ACOT7: variants seen among roughly 807,000 people sequenced by gnomAD.
The protein encoded by ACOT7 is cytosolic acyl coenzyme A thioester hydrolase.
In ACOT7, 12 loss-of-function variants were observed where a neutral mutation model predicts 40.2. The ratio of observed to expected loss-of-function variants is 0.30; its 90% confidence interval spans 0.19 to 0.48. The LOEUF (loss-of-function observed/expected upper bound fraction) is 0.48. Among genes scored for constraint, ACOT7 ranks in the 20% least tolerant of loss-of-function variants. The pLI is 0.99. For synonymous variants in ACOT7, 228 were observed against 219.5 expected (o/e 1.04, Z -0.34); for missense variants, 395 against 530.8 (o/e 0.74, Z 2.51).
intron 2 of ACOT7, among the ~76,000 whole-genome samples, chr1:6,345,551 G>A (rs1268054370): frequency 6.6e-6 from 1 of 152,166 alleles, no homozygotes; most frequent in African/African-American, 2.4e-5. Flanking sequence ...CTTAGGAAAC[G>A]CCCAGGAGAG....
intron 2 of ACOT7, among the ~76,000 whole-genome samples, chr1:6,341,234 A>C (rs941680383): frequency 2.0e-5 from 3 of 151,378 alleles, no homozygotes; most frequent in Admixed American, 6.6e-5. Context: ...CTCCGCCTCC[A>C]GGATTCAGGC....
intron 6 of ACOT7, among the ~76,000 whole-genome samples, chr1:6,318,260 C>T (rs1228872971): frequency 1.3e-5 from 2 of 151,620 alleles, no homozygotes; most frequent in Non-Finnish European, 2.9e-5. Context: ...CTCCCTATGT[C>T]GCCCAGGCTG....
Position 6,359,883 on chromosome 1 carries a change from G to C in ACOT7, c.144-10017C>G, listed in dbSNP as rs1408843376. Among the ~76,000 whole-genome samples, 6 of 152,210 alleles carry C rather than the reference G, an allele frequency of 3.9e-5. No homozygotes were observed. The highest frequency in any genetic ancestry group is 1.3e-4 in the Admixed American group (2 of 15,284). ...AAGTTTCACATGTTTAGTTGTGAAAGAGAAAGTTAGGGCAGAGAGGGCTGA... is the reference window on the plus strand; with the variant it reads ...AAGTTTCACATGTTTAGTTGTGAAACAGAAAGTTAGGGCAGAGAGGGCTGA... On this transcript the variant is annotated intron_variant, in intron 1 of 8. Coordinates refer to ENST00000361521, the MANE Select transcript of ACOT7 (RefSeq NM_007274.4). This position sits in a 1 kb window ranked among gnomAD's most constrained non-coding sequence, Gnocchi z 4.1.
chr1:6,274,234 G>C lies in ACOT7; in HGVS notation c.1014+6868C>G, dbSNP rs1388125840. ...GCATCACTGAGAAGGCACGGAGAGG[G>C]AACTTGGGGTAACAGCCTGGCGACG... On this transcript the variant is annotated intron_variant, in intron 8 of 8. Coordinates refer to ENST00000361521, the MANE Select transcript of ACOT7 (RefSeq NM_007274.4). This position sits in a 1 kb window ranked among gnomAD's most constrained non-coding sequence, Gnocchi z 5.9. Among the ~76,000 whole-genome samples, 1 of 152,194 alleles carries C rather than the reference G, an allele frequency of 6.6e-6. No individual in the cohort carries two copies. The highest frequency in any genetic ancestry group is 1.5e-5 in the Non-Finnish European group (1 of 68,020).
At position 6,393,563 on chromosome 1, in the gene ACOT7, C is replaced by T. The variant is rs56933792; in HGVS notation, c.-164G>A. On this transcript the variant is annotated 5_prime_UTR_variant, in exon 1 of 9. Transcript: ENST00000361521. The stretch of plus-strand genomic sequence containing the variant: ...GCTGCAGAGAGCTCGCGCGGGCGTA[C>T]GATTCTGGCGGCGTGGGGGCCCAGG... 52,533 of 567,984 alleles carry T rather than the reference C, an allele frequency of 0.092. 3,640 individuals are homozygous for T. The highest frequency in any genetic ancestry group is 0.29 in the African/African-American group (14,483 of 50,646). 35.2% of individuals were successfully genotyped at this position (567,984 alleles called of 1,614,324 possible).
At chr1:6,351,705 C>G (rs1319195568) in intron 1 of ACOT7, among the ~76,000 whole-genome samples, 1 of 152,242 alleles carries the variant, frequency 6.6e-6, no homozygotes, top group Non-Finnish European at 1.5e-5. Context: ...GCCTCCAGAG[C>G]AGCCTGAATG....
Position 6,327,375 on chromosome 1 carries a change from C to A in ACOT7, c.549G>T (p.Arg183=), listed in dbSNP as rs146126231. ...TGCGCTCCAGCTTCTGGGCTTCATA[C>A]CGCTTCCGGCCCTCCTCCTCCTGCT... is the stretch of plus-strand genomic sequence containing the variant. ...RQEQEEEGRK[R]YEAQKLERME... The change falls in exon 5 of 9, where the codon CGG becomes CGT. Residue 183 remains arginine, a synonymous_variant. Coordinates refer to ENST00000361521, the MANE Select transcript of ACOT7 (RefSeq NM_007274.4). 31 of 1,614,090 alleles carry A rather than the reference C, an allele frequency of 1.9e-5. No individual in the cohort carries two copies. In the African/African-American group the frequency reaches 3.6e-4, roughly 19 times the overall value.
intron 7 of ACOT7, among the ~76,000 whole-genome samples, chr1:6,291,848 CCA>C (rs1245364027): frequency 6.6e-6 from 1 of 152,198 alleles, no homozygotes; most frequent in African/African-American, 2.4e-5. Flanking sequence ...CACCCAGAAC[CCA>C]GAGCCAGCAG....
rs552057675 is a variant in ACOT7, at chr1:6,306,948, G to A, written c.712+11544C>T. 1 of 1,285,034 alleles carries A rather than the reference G, an allele frequency of 7.8e-7. No homozygotes were observed. Among genetic ancestry groups the A allele is most frequent in the South Asian group, 1.2e-5 (1 of 80,866 alleles). 79.6% of individuals were successfully genotyped at this position (1,285,034 alleles called of 1,614,324 possible). On this transcript the variant is annotated intron_variant, in intron 6 of 8. Coordinates refer to ENST00000361521, the MANE Select transcript of ACOT7 (RefSeq NM_007274.4). This position sits in a 1 kb window ranked among gnomAD's most constrained non-coding sequence, Gnocchi z 4.3. The stretch of plus-strand genomic sequence containing the variant: ...AAGACCAAGTGAACAAGAGCGTCTT[G>A]GTGGAGGCCTCACTTGCGTCCCCTC...
At chr1:6,285,752 T>C (rs1639484451) in intron 7 of ACOT7, among the ~76,000 whole-genome samples, 1 of 151,082 alleles carries the variant, frequency 6.6e-6, no homozygotes, top group Non-Finnish European at 1.5e-5. Flanking sequence ...ACCTGGCGTG[T>C]CACACGGAGG....
Position 6,306,744 on chromosome 1 carries a change from T to C in ACOT7, c.712+11748A>G. ...TAGGGAACAGCTCTTCGTCCACCTT[T>C]TTCCTTCCTTGCCCCAACACTGAGG... is the stretch of plus-strand genomic sequence containing the variant. On this transcript the variant is annotated intron_variant, in intron 6 of 8. Transcript: ENST00000361521. The surrounding 1 kb of genome is among the most constrained non-coding windows in gnomAD (Gnocchi z 4.3). 8.0e-7 allele frequency: 1 copy of C among 1,254,954 alleles called. No individual in the cohort carries two copies. The highest frequency in any genetic ancestry group is 1.5e-5 in the African/African-American group (1 of 64,902). The allele number at this position is 1,254,954 out of a possible 1,614,324, so 77.7% of individuals were successfully genotyped here.
intron 6 of ACOT7, among the ~76,000 whole-genome samples, chr1:6,309,874 A>C (rs536775574): frequency 6.6e-6 from 1 of 152,256 alleles, no homozygotes; most frequent in Non-Finnish European, 1.5e-5. Flanking sequence ...AATGTAATAA[A>C]AGTTATGAAA....
intron 7 of ACOT7, among the ~76,000 whole-genome samples, chr1:6,290,752 T>C (rs1639640166): frequency 1.3e-5 from 2 of 152,164 alleles, no homozygotes; most frequent in South Asian, 4.1e-4. Flanking sequence ...CTCCCTGCCA[T>C]TTAGAGGAAA....
chr1:6,318,511 C>G lies in ACOT7; in HGVS notation c.693G>C (p.Leu231=), dbSNP rs1640556804. 1 of 1,613,942 alleles carries G rather than the reference C, an allele frequency of 6.2e-7. No individual in the cohort carries two copies. Among genetic ancestry groups the G allele is most frequent in the South Asian group, 1.1e-5 (1 of 91,054 alleles). The change falls in exon 6 of 9, where the codon CTG becomes CTC. Residue 231 remains leucine (L), a synonymous_variant. Coordinates refer to ENST00000361521, the MANE Select transcript of ACOT7 (RefSeq NM_007274.4). ...IHLVGPSDCT[L]HGFVHGGVTM... ...TCTTACCTCCGTGCACAAAGCCGTGCAGGGTGCAGTCTGAAGGCCCCACCA... is the reference window on the plus strand; with the variant it reads ...TCTTACCTCCGTGCACAAAGCCGTGGAGGGTGCAGTCTGAAGGCCCCACCA...
At position 6,357,663 on chromosome 1, in the gene ACOT7, A is replaced by G. The variant is rs929724346; in HGVS notation, c.144-7797T>C. Among the ~76,000 whole-genome samples, 47 of 152,160 alleles carry G rather than the reference A, an allele frequency of 3.1e-4. 1 individual carries two copies. Among genetic ancestry groups the G allele is most frequent in the Admixed American group, 1.8e-3 (28 of 15,272 alleles). On this transcript the variant is annotated intron_variant, in intron 1 of 8. Coordinates refer to ENST00000361521, the MANE Select transcript of ACOT7 (RefSeq NM_007274.4). ...TGCCTTGGCCAGGAGTAGACAAGGG[A>G]CAGGGGTTGCCCTTCCCGGAAGGAA... is the stretch of plus-strand genomic sequence containing the variant.
At chr1:6,390,994 A>G (rs1642524094) in intron 1 of ACOT7, among the ~76,000 whole-genome samples, 1 of 151,258 alleles carries the variant, frequency 6.6e-6, no homozygotes, top group South Asian at 2.1e-4. Context: ...GTCTAAAGCT[A>G]TACAAAAATC....
intron 2 of ACOT7, among the ~76,000 whole-genome samples, chr1:6,345,193 C>T (rs778735793): frequency 2.3e-4 from 35 of 152,258 alleles, no homozygotes; most frequent in Non-Finnish European, 3.5e-4. Flanking sequence ...TGCCCTGGGA[C>T]AGAGACACGA....
intron 1 of ACOT7, among the ~76,000 whole-genome samples, chr1:6,383,129 T>C (rs1201923641): frequency 6.6e-6 from 1 of 151,418 alleles, no homozygotes; most frequent in Middle Eastern, 3.2e-3. Context: ...TCCACCCAGC[T>C]TGGCCTCCCA....
At chr1:6,316,130 A>G (rs189710255) in intron 6 of ACOT7, among the ~76,000 whole-genome samples, 16 of 152,330 alleles carry the variant, frequency 1.1e-4, no homozygotes, top group African/African-American at 3.8e-4. Context: ...AGCAGAACTC[A>G]TAGCCCAGAG....
Sources: allele counts gnomAD v4.1 joint callset (sites outside exome capture counted in the v4.1 genomes callset), GRCh38; gene constraint gnomAD v4.1.1; non-coding constraint Gnocchi (gnomAD v3.1); transcripts MANE v1.5; gene names NCBI Gene and HGNC (gene_info 2026-07-23, HGNC 2026-07-21).